Variants in APOL3 observed in about 807,000 individuals in gnomAD.
APOL3 encodes apolipoprotein L3.
Under a neutral mutation model 11.6 loss-of-function variants are expected in APOL3, and 14 were observed. The ratio of observed to expected loss-of-function variants is 1.21; its 90% CI spans 0.80 to 1.89. The LOEUF is 1.89. Ranked by LOEUF, APOL3 falls within the 40% of genes most tolerant of loss-of-function variation. The pLI is 0.00. For synonymous variants in APOL3, 192 were observed against 190.6 expected, an observed-to-expected ratio of 1.01 and a Z score of -0.06; for missense variants, 483 against 492.1, an observed-to-expected ratio of 0.98 and a Z score of 0.17.
intron 1 of APOL3, chr22:36,157,147 A>C (rs2013021053): frequency 4.9e-6 from 2 of 406,042 alleles, no homozygotes; most frequent in Admixed American, 3.0e-5. Flanking sequence ...AGAAAAAAGA[A>C]ATTTCTAAAA....
intron 1 of APOL3, chr22:36,156,125 T>G (rs1031116114): frequency 6.9e-5 from 11 of 160,144 alleles, no homozygotes; most frequent in African/African-American, 2.4e-4. Context: ...TTTTTTTTTT[T>G]GCTCTGTTAC....
chr22:36,160,856 G>A (rs1569530054), exon 1 of APOL3: 3 of 1,613,164 alleles, frequency 1.9e-6, no homozygotes, highest in Non-Finnish European at 2.5e-6. Flanking sequence ...ATGCAAAACA[G>A]GATGCTTCCC....
chr22:36,161,871 G>T (rs1272514813), upstream of APOL3, among the ~76,000 whole-genome samples: 1 of 151,982 alleles, frequency 6.6e-6, no homozygotes, highest in Non-Finnish European at 1.5e-5. Flanking sequence ...GGGGGTGATT[G>T]TCAGGTAATT....
chr22:36,148,009 C>T (rs1305084023), intron 1 of APOL3, among the ~76,000 whole-genome samples: 1 of 152,162 alleles, frequency 6.6e-6, no homozygotes, highest in African/African-American at 2.4e-5. Context: ...CAAGGTAAAC[C>T]AAAAAACATA....
exon 3 of APOL3, chr22:36,141,892 G>A: frequency 1.9e-6 from 3 of 1,614,210 alleles, no homozygotes; most frequent in South Asian, 1.1e-5. Context: ...CCATTTGCAA[G>A]GGCACGAAGC....
intron 2 of APOL3, among the ~76,000 whole-genome samples, chr22:36,144,397 T>C (rs1425258157): frequency 6.6e-6 from 1 of 152,094 alleles, no homozygotes; most frequent in Non-Finnish European, 1.5e-5. Context: ...TGACCTGCTG[T>C]TCATTCTCAG....
chr22:36,153,503 T>C (rs1430118882), intron 1 of APOL3: 1 of 426,010 alleles, frequency 2.3e-6, no homozygotes, highest in African/African-American at 2.0e-5. Flanking sequence ...ACTCCTATCT[T>C]GAATCAGTAT....
chr22:36,144,868 G>A (rs756454911), intron 2 of APOL3, among the ~76,000 whole-genome samples: 4 of 151,698 alleles, frequency 2.6e-5, no homozygotes, highest in Non-Finnish European at 5.9e-5. Context: ...AAAAATAGCC[G>A]GATGCGGTGG....
chr22:36,141,938 G>A (rs200011133), exon 3 of APOL3: 1 of 1,614,184 alleles, frequency 6.2e-7, no homozygotes, highest in South Asian at 1.1e-5. Flanking sequence ...TCTTGACTTG[G>A]GGAAACTCTT....
chr22:36,153,424 C>A lies in APOL3; in HGVS notation c.223+7245G>T, dbSNP rs151247880. ...AACCTCGGTGGCTGGGGTAACCAAG[C>A]TGCTAAGAAAAGTACGGATGTTGTC... On this transcript the variant is annotated intron_variant, in intron 1 of 2. Transcript: ENST00000349314. The A allele has an allele frequency of 2.3e-4, 106 of 456,102 alleles. No homozygotes were observed. In the East Asian group the frequency reaches 6.1e-3, roughly 26 times the overall value. 28.3% of individuals were successfully genotyped at this position (456,102 alleles called of 1,614,324 possible).
exon 3 of APOL3, chr22:36,141,683 G>A (rs2059997543): frequency 1.2e-6 from 2 of 1,614,046 alleles, no homozygotes; most frequent in Non-Finnish European, 1.7e-6. Context: ...ATGTGTATGA[G>A]TGCTCCACGA....
chr22:36,145,443 G>A lies in APOL3; in HGVS notation c.350+30C>T, dbSNP rs776056676. The A allele has an allele frequency of 1.5e-5, 24 of 1,610,662 alleles. 1 individual carries two copies. The highest frequency in any genetic ancestry group is 5.0e-5 in the Admixed American group (3 of 59,556). On this transcript the variant is annotated intron_variant, in intron 2 of 2. Coordinates refer to ENST00000349314, the Ensembl canonical transcript of APOL3. ...GAGATCAGGATGGCATAGCCGGGGCGCCCCATGGAGGTAACCCCACGGAGG... is the reference window on the plus strand; with the variant it reads ...GAGATCAGGATGGCATAGCCGGGGCACCCCATGGAGGTAACCCCACGGAGG...
intron 2 of APOL3, among the ~76,000 whole-genome samples, chr22:36,143,207 C>T (rs1246802317): frequency 2.0e-5 from 3 of 152,228 alleles, no homozygotes; most frequent in African/African-American, 7.2e-5. Flanking sequence ...GTGAGCTTCT[C>T]TGGTTGGCAA....
chr22:36,148,829 C>T (rs917851653), intron 1 of APOL3, among the ~76,000 whole-genome samples: 1 of 152,314 alleles, frequency 6.6e-6, no homozygotes, highest in Non-Finnish European at 1.5e-5. Flanking sequence ...GAAGTGGGCA[C>T]CTGGGCCATG....
intron 1 of APOL3, chr22:36,149,457 G>C (rs1322080540): frequency 1.7e-6 from 2 of 1,191,046 alleles, no homozygotes; most frequent in Non-Finnish European, 2.2e-6. Context: ...CACCGAAATA[G>C]AGATGGGAAG....
At chr22:36,145,235 C>G (rs1169021351) in intron 2 of APOL3, among the ~76,000 whole-genome samples, 1 of 152,152 alleles carries the variant, frequency 6.6e-6, no homozygotes, top group Admixed American at 6.5e-5. Context: ...GCTCCCATCA[C>G]CAGTAGATGG....
At chr22:36,149,510 A>T (rs911727584) in intron 1 of APOL3, 3 of 687,590 alleles carry the variant, frequency 4.4e-6, no homozygotes, top group South Asian at 1.6e-5. Flanking sequence ...ATGTGTGATA[A>T]CTAATTGATA....
At chr22:36,154,688 G>A (rs543867757) in intron 1 of APOL3, 69 of 468,620 alleles carry the variant, frequency 1.5e-4, no homozygotes, top group Middle Eastern at 3.3e-4. Context: ...CTGAGATTGT[G>A]AGCAAATGAG....
chr22:36,159,125 A>C (rs1347221859), intron 1 of APOL3: 1 of 152,102 alleles, frequency 6.6e-6, no homozygotes, highest in Non-Finnish European at 1.5e-5. Flanking sequence ...CCACCCTCTC[A>C]CCTGCTGGGC....
Sources: gnomAD v4.1 joint callset for allele counts (sites outside exome capture counted in the v4.1 genomes callset) on GRCh38, gnomAD v4.1.1 for gene constraint, MANE v1.5 for transcripts, NCBI Gene and HGNC (gene_info 2026-07-23, HGNC 2026-07-21) for gene names.